PRKAR1A: variants seen among roughly 807,000 people sequenced by gnomAD.
PRKAR1A encodes the protein protein kinase cAMP-dependent type I regulatory subunit alpha.
PRKAR1A carries 3 observed loss-of-function variants against 52.0 expected under a neutral mutation model. The observed-to-expected ratio is 0.06, with a 90% confidence interval of 0.03 to 0.15. PRKAR1A has a LOEUF of 0.15. PRKAR1A is among the 10% of genes least tolerant of loss of function. The pLI is 1.00. For synonymous variants in PRKAR1A, 188 were observed against 168.4 expected, an observed-to-expected ratio of 1.12 and a Z score of -0.90; for missense variants, 240 against 477.4, an observed-to-expected ratio of 0.50 and a Z score of 4.63.
At chr17:68,501,655 A>T in the PRKAR1A span, among the ~76,000 whole-genome samples, 1 of 152,052 alleles carries the variant, frequency 6.6e-6, no homozygotes, top group South Asian at 2.1e-4. Context: ...GGGACATCTC[A>T]CTATCTTGCC....
At chr17:68,534,869 C>T (rs1375979407), downstream of PRKAR1A, among the ~76,000 whole-genome samples, 1 of 152,132 alleles carries the variant, frequency 6.6e-6, no homozygotes, top group Non-Finnish European at 1.5e-5. Context: ...ACTAGAGACT[C>T]CCAGCAACCT....
At chr17:68,427,971 T>A in the PRKAR1A span, among the ~76,000 whole-genome samples, 4 of 151,376 alleles carry the variant, frequency 2.6e-5, no homozygotes, top group African/African-American at 4.9e-5. Context: ...CTTACTGCAG[T>A]CTTGACCTTC....
At chr17:68,502,060 T>A in the PRKAR1A span, among the ~76,000 whole-genome samples, 1 of 152,232 alleles carries the variant, frequency 6.6e-6, no homozygotes, top group African/African-American at 2.4e-5. Flanking sequence ...GTTTTAGCTA[T>A]CATCATCCCT....
At chr17:68,542,657 A>T (rs756898585) in intron 11 of PRKAR1A, 2 of 1,523,028 alleles carry the variant, frequency 1.3e-6, no homozygotes, top group Admixed American at 3.3e-5. Context: ...CTTACGATCT[A>T]CTCAGACCCG....
chr17:68,424,541 C>T, the PRKAR1A span: 3 of 531,882 alleles, frequency 5.6e-6, no homozygotes, highest in Non-Finnish European at 1.2e-5. Flanking sequence ...AGTGGCAGCT[C>T]CTCTCTGGCT....
chr17:68,489,522 G>GTATA, the PRKAR1A span, among the ~76,000 whole-genome samples: 3 of 143,088 alleles, frequency 2.1e-5, no homozygotes, highest in East Asian at 4.1e-4. Context: ...TATGGAAAGT[G>GTATA]TATATATATA....
chr17:68,508,443 C>A (rs998622911), upstream of PRKAR1A, among the ~76,000 whole-genome samples: 15 of 152,152 alleles, frequency 9.9e-5, no homozygotes, highest in Non-Finnish European at 2.2e-4. Flanking sequence ...AGAAAACTAC[C>A]GCATGTTCTC....
At chr17:68,437,941 T>A in the PRKAR1A span, among the ~76,000 whole-genome samples, 1 of 48,602 alleles carries the variant, frequency 2.1e-5, no homozygotes, top group African/African-American at 7.0e-5. Context: ...AAGAGAGACA[T>A]CTCTCTTAAA....
At chr17:68,469,458 A>G in the PRKAR1A span, among the ~76,000 whole-genome samples, 1 of 152,198 alleles carries the variant, frequency 6.6e-6, no homozygotes, top group Non-Finnish European at 1.5e-5. Context: ...TCTAAAACAA[A>G]GTTCCATGAG....
At chr17:68,446,186 AT>A in the PRKAR1A span, among the ~76,000 whole-genome samples, 202 of 146,752 alleles carry the variant, frequency 1.4e-3, no homozygotes, top group South Asian at 2.0e-3. Flanking sequence ...ACATTTCTCA[AT>A]TTTTTTTTTT....
the PRKAR1A span, among the ~76,000 whole-genome samples, chr17:68,504,590 A>G: frequency 2.0e-5 from 3 of 152,254 alleles, no homozygotes; most frequent in Admixed American, 2.0e-4. Flanking sequence ...GGCCAAGCAC[A>G]GAAAAACTTC....
Position 68,515,530 on chromosome 17 carries a change from A to G in PRKAR1A, c.131A>G (p.Glu44Gly), listed in dbSNP as rs2085406021. The change falls in exon 2 of 11, where the codon GAG (glutamate) becomes GGG (glycine). Residue 44 changes from glutamate to glycine, a missense_variant. By Grantham distance (98) the Glu-to-Gly change is moderately conservative. This residue lies in a region of PRKAR1A where 107 missense variants were observed against 114.6 expected (regional missense o/e 0.93). Coordinates refer to ENST00000589228, the MANE Select transcript of PRKAR1A (RefSeq NM_002734.5). The part of the protein sequence containing the change: ...SIVQLCTARP[E>G]RPMAFLREYF... ...GTGCAGTTGTGCACTGCTCGACCTG[A>G]GAGACCCATGGCATTCCTCAGGGAA... 9 of 1,613,100 alleles carry G rather than the reference A, an allele frequency of 5.6e-6. No individual in the cohort carries two copies. Among genetic ancestry groups the G allele is most frequent in the Non-Finnish European group, 7.6e-6 (9 of 1,180,042 alleles).
chr17:68,491,614 A>G, the PRKAR1A span, among the ~76,000 whole-genome samples: 1 of 152,086 alleles, frequency 6.6e-6, no homozygotes, highest in South Asian at 2.1e-4. Context: ...TGAGAGGAAC[A>G]CTTGTGGAAA....
At chr17:68,463,880 T>G in the PRKAR1A span, among the ~76,000 whole-genome samples, 1 of 152,198 alleles carries the variant, frequency 6.6e-6, no homozygotes, top group African/African-American at 2.4e-5. Flanking sequence ...GAAAAGAAAT[T>G]GAAGGTGTCT....
chr17:68,468,508 A>G, the PRKAR1A span, among the ~76,000 whole-genome samples: 1 of 152,230 alleles, frequency 6.6e-6, no homozygotes, highest in African/African-American at 2.4e-5. Context: ...GCTCTAAACC[A>G]CACATTGCTG....
At chr17:68,489,668 A>G in the PRKAR1A span, among the ~76,000 whole-genome samples, 1 of 151,596 alleles carries the variant, frequency 6.6e-6, no homozygotes, top group East Asian at 1.9e-4. Flanking sequence ...CTCATGCCTC[A>G]GCCTCCCAAG....
At chr17:68,478,733 G>GTT in the PRKAR1A span, among the ~76,000 whole-genome samples, 1 of 47,052 alleles carries the variant, frequency 2.1e-5, no homozygotes, top group Non-Finnish European at 4.9e-5. Flanking sequence ...GGACAGTTTT[G>GTT]TTTTTTTTTT....
intron 11 of PRKAR1A, chr17:68,541,840 G>T (rs2086310663): frequency 2.0e-6 from 2 of 985,362 alleles, no homozygotes; most frequent in Non-Finnish European, 3.0e-6. Flanking sequence ...ACCCAGGCCT[G>T]CTGATCCCAG....
At chr17:68,486,506 C>CTTCCTTCCCTCTTTCTTTCT in the PRKAR1A span, among the ~76,000 whole-genome samples, 1 of 48,200 alleles carries the variant, frequency 2.1e-5, no homozygotes, top group East Asian at 7.1e-4. Context: ...TCCTTCCTTC[C>CTTCCTTCCCTCTTTCTTTCT]TTCTTTCTTT....
Sources: gnomAD v4.1 joint callset for allele counts (sites outside exome capture counted in the v4.1 genomes callset) on GRCh38, gnomAD v4.1.1 for gene constraint, gnomAD v4.1.1 regional missense constraint, MANE v1.5 for transcripts, NCBI Gene and HGNC (gene_info 2026-07-23, HGNC 2026-07-21) for gene names.